CCDC171: variants seen among roughly 807,000 people sequenced by gnomAD.
The protein encoded by CCDC171 is coiled-coil domain containing 171, also known as coiled-coil domain-containing protein 171.
A neutral mutation model predicts 168.2 loss-of-function variants in CCDC171; 177 were observed. The observed-to-expected ratio is 1.05, with a 90% CI of 0.93 to 1.19. CCDC171 has a LOEUF of 1.19. Ranked by LOEUF, CCDC171 falls within the 50% of genes most tolerant of loss-of-function variation. The pLI is 0.00. For missense variants in CCDC171, 1,991 were observed against 1,539.0 expected, an observed-to-expected ratio of 1.29 and a Z score of -4.91; for synonymous variants, 687 against 540.8, an observed-to-expected ratio of 1.27 and a Z score of -3.75.
At position 15,835,686 on chromosome 9, in the gene CCDC171, C is replaced by G. The variant is rs374567145; in HGVS notation, c.3268-11016C>G. Among the ~76,000 whole-genome samples, 25 of 152,262 alleles carry G rather than the reference C, an allele frequency of 1.6e-4. No individual in the cohort carries two copies. In the East Asian group the frequency reaches 4.8e-3, roughly 29 times the overall value. The stretch of plus-strand genomic sequence containing the variant: ...AAGTGATCCACCTGCCTTGGCCTCC[C>G]AAGGTGCTGGGATTACAGGCATGAG... On this transcript the variant is annotated intron_variant, in intron 21 of 25. Transcript: ENST00000380701.
At chr9:15,710,904 T>C (rs1387809606) in intron 11 of CCDC171, among the ~76,000 whole-genome samples, 1 of 152,200 alleles carries the variant, frequency 6.6e-6, no homozygotes, top group East Asian at 1.9e-4. Context: ...GCCTTCTGTC[T>C]CTTTTTATCA....
At chr9:16,091,678 G>A in the CCDC171 span, among the ~76,000 whole-genome samples, 1 of 152,192 alleles carries the variant, frequency 6.6e-6, no homozygotes, top group African/African-American at 2.4e-5. Context: ...AATACCTGCA[G>A]TTGCAAGGGA....
chr9:15,601,289 A>G (rs1030591170), intron 6 of CCDC171, among the ~76,000 whole-genome samples: 1 of 152,030 alleles, frequency 6.6e-6, no homozygotes, highest in African/African-American at 2.4e-5. Context: ...CAGCCACTTC[A>G]TTTTTTTGAG....
chr9:15,562,644 T>G (rs2039403954), intron 1 of CCDC171, among the ~76,000 whole-genome samples: 1 of 152,200 alleles, frequency 6.6e-6, no homozygotes, highest in Non-Finnish European at 1.5e-5. Context: ...TATCTGAAAT[T>G]ATTTTCCTAA....
At chr9:16,064,934 GCAGT>G (rs1336460754), downstream of CCDC171, among the ~76,000 whole-genome samples, 1 of 152,192 alleles carries the variant, frequency 6.6e-6, no homozygotes, top group East Asian at 1.9e-4. Context: ...CTTGTGGCTT[GCAGT>G]CAGTTTTCTT....
chr9:15,819,132 C>A (rs1458452173), intron 21 of CCDC171, among the ~76,000 whole-genome samples: 3 of 117,196 alleles, frequency 2.6e-5, no homozygotes, highest in African/African-American at 6.4e-5. Flanking sequence ...CCTTTACAGA[C>A]AAGCAAATGC....
chr9:16,063,129 A>G (rs549182105), downstream of CCDC171, among the ~76,000 whole-genome samples: 2 of 152,306 alleles, frequency 1.3e-5, no homozygotes, highest in South Asian at 4.1e-4. Context: ...GCTCCAAAGA[A>G]GGTGGTTTGC....
At chr9:15,983,407 C>T (rs1831867246) in intron 3 of CCDC171, among the ~76,000 whole-genome samples, 1 of 151,880 alleles carries the variant, frequency 6.6e-6, no homozygotes, top group African/African-American at 2.4e-5. Context: ...ACTTATTTCT[C>T]ATACTCTCTT....
rs557735114 is a variant in CCDC171 at position 15,884,416 on chromosome 9, A to G, written c.3600+9753A>G. Among the ~76,000 whole-genome samples, 9 of 152,280 alleles carry G rather than the reference A, an allele frequency of 5.9e-5. No homozygotes were observed. In the East Asian group the frequency reaches 1.7e-3, roughly 29 times the overall value. ...GCTTAGTTTTCAATTTCAGGTTAAT[A>G]TTTTTACCCCTTTAAAAGACAAGAA... is the stretch of plus-strand genomic sequence containing the variant. On this transcript the variant is annotated intron_variant, in intron 24 of 25. Coordinates refer to ENST00000380701, the MANE Select transcript of CCDC171 (RefSeq NM_173550.4).
chr9:15,947,842 T>C (rs1397076778), intron 25 of CCDC171, among the ~76,000 whole-genome samples: 1 of 151,810 alleles, frequency 6.6e-6, no homozygotes, highest in Admixed American at 6.6e-5. Flanking sequence ...TAATTTATTA[T>C]TATTTAGGTT....
chr9:15,977,134 C>G (rs1156791069), downstream of CCDC171, among the ~76,000 whole-genome samples: 1 of 152,158 alleles, frequency 6.6e-6, no homozygotes, highest in Non-Finnish European at 1.5e-5. Context: ...TATTACGAGA[C>G]ACTTTTCTGG....
chr9:15,778,912 C>G, intron 19 of CCDC171, 56 bp from the exon 20 acceptor site: 1 of 1,203,604 alleles, frequency 8.3e-7, no homozygotes, highest in Non-Finnish European at 1.1e-6. Flanking sequence ...ATGGTTATTG[C>G]TATTGTTAGT....
At chr9:15,698,926 A>C (rs965292934) in intron 11 of CCDC171, among the ~76,000 whole-genome samples, 1 of 152,056 alleles carries the variant, frequency 6.6e-6, no homozygotes, top group Admixed American at 6.5e-5. Context: ...TGTGAATAAT[A>C]CTCTAGTTTA....
At chr9:15,606,414 A>G (rs1451086194) in intron 6 of CCDC171, among the ~76,000 whole-genome samples, 1 of 152,180 alleles carries the variant, frequency 6.6e-6, no homozygotes, top group Non-Finnish European at 1.5e-5. Context: ...AATTATGATA[A>G]ATGTTATACA....
At chr9:15,970,455 C>T (rs549427107) in intron 25 of CCDC171, among the ~76,000 whole-genome samples, 1 of 151,786 alleles carries the variant, frequency 6.6e-6, no homozygotes, top group Admixed American at 6.6e-5. Context: ...ATACTTATAA[C>T]CAGACTTGTT....
intron 3 of CCDC171, among the ~76,000 whole-genome samples, chr9:16,004,059 A>G (rs1341050413): frequency 6.6e-6 from 1 of 152,128 alleles, no homozygotes; most frequent in Non-Finnish European, 1.5e-5. Flanking sequence ...TTCAACACTA[A>G]TGAGGGCTGC....
At chr9:15,939,024 A>G (rs1376078056) in intron 25 of CCDC171, among the ~76,000 whole-genome samples, 1 of 151,368 alleles carries the variant, frequency 6.6e-6, no homozygotes, top group Non-Finnish European at 1.5e-5. Flanking sequence ...TAACATTAAT[A>G]TTATAGATTC....
chr9:15,623,477 A>ACACC, intron 7 of CCDC171, 64 bp downstream of exon 7: 1 of 322,658 alleles, frequency 3.1e-6, no homozygotes. Context: ...GCGCGCGCGC[A>ACACC]CACACACACA....
At chr9:15,790,855 TC>T (rs2058220801) in intron 21 of CCDC171, among the ~76,000 whole-genome samples, 2 of 152,230 alleles carry the variant, frequency 1.3e-5, no homozygotes, top group African/African-American at 4.8e-5. Flanking sequence ...AAACAGGGAA[TC>T]CTTTCCCCAT....
Sources: gnomAD v4.1 joint callset for allele counts (sites outside exome capture counted in the v4.1 genomes callset) on GRCh38, gnomAD v4.1.1 for gene constraint, MANE v1.5 for transcripts, NCBI Gene and HGNC (gene_info 2026-07-23, HGNC 2026-07-21) for gene names.